Variants in GUCY2F observed in about 807,000 individuals in gnomAD.
The protein encoded by GUCY2F is guanylate cyclase 2F, retinal, also known as retinal guanylyl cyclase 2.
A neutral mutation model predicts 73.1 loss-of-function variants in GUCY2F; 61 were observed. That is an observed-to-expected ratio of 0.83 (90% confidence interval 0.68 to 1.03). The LOEUF is 1.03. Among genes scored for constraint, GUCY2F ranks in the 50% least tolerant of loss-of-function variants. The pLI, the probability that GUCY2F is intolerant of heterozygous loss-of-function variation, is 0.00. For missense variants in GUCY2F, 912 were observed against 854.3 expected, an observed-to-expected ratio of 1.07 and a Z score of -0.84; for synonymous variants, 331 against 307.8, an observed-to-expected ratio of 1.08 and a Z score of -0.79.
intron 10 of GUCY2F, among the ~76,000 whole-genome samples, chrX:109,401,545 C>A (rs1930839201): frequency 1.8e-5 from 2 of 112,087 alleles, no homozygotes; most frequent in South Asian, 7.5e-4. Flanking sequence ...TTATTTTGTT[C>A]TTTTGTTGAT....
chrX:109,477,396 G>A (rs1212659079), intron 1 of GUCY2F, among the ~76,000 whole-genome samples: 1 of 111,681 alleles, frequency 9.0e-6, no homozygotes, highest in Non-Finnish European at 1.9e-5. Flanking sequence ...TAGAGATCTT[G>A]AATTGGCCAA....
At chrX:109,466,851 T>C (rs774875702) in intron 2 of GUCY2F, among the ~76,000 whole-genome samples, 1 of 112,442 alleles carries the variant, frequency 8.9e-6, no homozygotes, top group Non-Finnish European at 1.9e-5. Flanking sequence ...AACACCTTTT[T>C]ACACTTGCTA....
chrX:109,411,409 G>T (rs1407356290), intron 8 of GUCY2F, among the ~76,000 whole-genome samples: 1 of 111,375 alleles, frequency 9.0e-6, no homozygotes, highest in South Asian at 3.8e-4. Flanking sequence ...AAGATTCATG[G>T]TATAACTTGT....
chrX:109,462,141 C>G (rs932704586), intron 3 of GUCY2F, among the ~76,000 whole-genome samples: 1 of 112,577 alleles, frequency 8.9e-6, no homozygotes, highest in Non-Finnish European at 1.9e-5. Context: ...AGCTGTGAGC[C>G]AGGCACTCTG....
In GUCY2F at chrX:109,446,611, C is replaced by T. The variant is rs780499658; in HGVS notation, c.1569+1458G>A. 2.6e-3 allele frequency among the ~76,000 whole-genome samples: 294 copies of T among 111,134 alleles called. 1 individual carries two copies. Among genetic ancestry groups the T allele is most frequent in the African/African-American group, 9.2e-3 (277 of 30,216 alleles). ...AACTGGATCCCTTCCTTACACCTTA[C>T]ACAAAAATTAATTCAAGATGGATTA... On this transcript the variant is annotated intron_variant, in intron 6 of 19. Coordinates refer to ENST00000218006, the MANE Select transcript of GUCY2F (RefSeq NM_001522.3).
At chrX:109,403,260 C>T (rs928240461) in intron 10 of GUCY2F, among the ~76,000 whole-genome samples, 71 of 110,876 alleles carry the variant, frequency 6.4e-4, no homozygotes, top group African/African-American at 2.3e-3. Context: ...TCTCCTATTT[C>T]TTTGATCTGT....
At chrX:109,402,280 T>TGCAGCTA (rs1220911795) in intron 10 of GUCY2F, among the ~76,000 whole-genome samples, 1 of 110,998 alleles carries the variant, frequency 9.0e-6, no homozygotes, top group African/African-American at 3.3e-5. Context: ...AAGAGAGCCC[T>TGCAGCTA]GCAGCTATCC....
intron 2 of GUCY2F, among the ~76,000 whole-genome samples, chrX:109,470,123 A>C (rs1932545025): frequency 8.9e-6 from 1 of 111,951 alleles, no homozygotes; most frequent in African/African-American, 3.2e-5. Context: ...ATGTTGCCTT[A>C]ACATTGCTGC....
intron 6 of GUCY2F, among the ~76,000 whole-genome samples, chrX:109,444,479 T>C (rs560965): frequency 3.9e-4 from 44 of 112,072 alleles, no homozygotes; most frequent in Non-Finnish European, 7.7e-4. Flanking sequence ...AATGTATTTG[T>C]ATACTTTTCC....
At position 109,393,242 on chromosome X, in the gene GUCY2F, C is replaced by G. The variant is rs780975118; in HGVS notation, c.2425-187G>C. Among the ~76,000 whole-genome samples, 3 of 107,918 alleles carry G rather than the reference C, an allele frequency of 2.8e-5. No individual in the cohort carries two copies. In the East Asian group the frequency reaches 8.9e-4, roughly 32 times the overall value. 93.7% of individuals were successfully genotyped at this position (107,918 alleles called of 115,157 possible). On this transcript the variant is annotated intron_variant, in intron 12 of 19. Transcript: ENST00000218006. Reference sequence around the variant, plus strand: ...CCCTGACCCATTTACAGGGCACTACCACTGCACCTCTTCCCCCACCCCCGA... The same window carrying G: ...CCCTGACCCATTTACAGGGCACTACGACTGCACCTCTTCCCCCACCCCCGA...
rs149910968 is a variant in GUCY2F, at chrX:109,453,509, A to G, written c.1383T>C (p.His461=). The G allele has an allele frequency of 2.2e-3, 2,622 of 1,181,520 alleles. 34 individuals are homozygous for G. In the African/African-American group the frequency reaches 0.036, roughly 16 times the overall value. Residue 461 remains histidine (H), a synonymous_variant, in exon 4 of 20, where the codon CAT becomes CAC. Coordinates refer to ENST00000218006, the MANE Select transcript of GUCY2F (RefSeq NM_001522.3). ...TAGTGATTTTGCATTCCTTACCTCC[A>G]TGGCAGATCTTCCCTTCTGCAAACC... ...KCWFAEGKIC[H]GGIDPAFAMM... is the part of the protein sequence containing the mutation.
intron 4 of GUCY2F, 63 bp downstream of exon 4, chrX:109,453,441 TA>T: frequency 1.5e-6 from 1 of 661,749 alleles, no homozygotes; most frequent in Non-Finnish European, 2.4e-6. Context: ...TGCCTTCTCC[TA>T]AAGAGGTTCC....
chrX:109,433,393 G>T (rs758989089), intron 7 of GUCY2F, among the ~76,000 whole-genome samples: 6 of 112,267 alleles, frequency 5.3e-5, no homozygotes, highest in Admixed American at 4.7e-4. Context: ...CTGTCCCAAG[G>T]TCAGAAAACT....
chrX:109,374,248 A>G (rs931777781), intron 19 of GUCY2F, among the ~76,000 whole-genome samples: 2 of 111,944 alleles, frequency 1.8e-5, no homozygotes, highest in East Asian at 2.8e-4. Context: ...TGTGATTTGT[A>G]TAGGCCACCA....
chrX:109,451,442 A>G (rs1334106705), intron 5 of GUCY2F, among the ~76,000 whole-genome samples: 1 of 111,986 alleles, frequency 8.9e-6, no homozygotes, highest in Non-Finnish European at 1.9e-5. Flanking sequence ...GCTTCCAACA[A>G]TCAGCAAGAG....
chrX:109,438,282 C>A (rs886070261), intron 7 of GUCY2F, among the ~76,000 whole-genome samples: 1 of 111,993 alleles, frequency 8.9e-6, no homozygotes, highest in Non-Finnish European at 1.9e-5. Flanking sequence ...CTTCGCATGG[C>A]AGAATACAGA....
At chrX:109,408,679 C>A (rs1931031020) in intron 9 of GUCY2F, among the ~76,000 whole-genome samples, 1 of 111,910 alleles carries the variant, frequency 8.9e-6, no homozygotes, top group African/African-American at 3.3e-5. Context: ...TAAGTCTCAT[C>A]AGATCTGATG....
chrX:109,393,914 T>C (rs980019223), intron 12 of GUCY2F, among the ~76,000 whole-genome samples: 1 of 112,109 alleles, frequency 8.9e-6, no homozygotes, highest in African/African-American at 3.2e-5. Context: ...CTCTTATATA[T>C]AGCTGGGCCA....
At chrX:109,471,592 C>T (rs113736739) in intron 2 of GUCY2F, among the ~76,000 whole-genome samples, 1,624 of 112,533 alleles carry the variant, frequency 0.014, 33 homozygotes, top group African/African-American at 0.048. Flanking sequence ...CATAACCACA[C>T]ACAGCAGCCC....
Sources: gnomAD v4.1 joint callset for allele counts (sites outside exome capture counted in the v4.1 genomes callset) on GRCh38, gnomAD v4.1.1 for gene constraint, MANE v1.5 for transcripts, NCBI Gene and HGNC (gene_info 2026-07-23, HGNC 2026-07-21) for gene names.